Variants in ROBO1 observed in about 807,000 individuals in gnomAD.
The protein encoded by ROBO1 is roundabout homolog 1.
Under a neutral mutation model 195.9 loss-of-function variants are expected in ROBO1, and 149 were observed. The observed-to-expected ratio is 0.76, with a 90% CI of 0.67 to 0.87. ROBO1 has a LOEUF of 0.87. Among genes scored for constraint, ROBO1 ranks in the 40% least tolerant of loss-of-function variants. The probability of loss-of-function intolerance (pLI) is 0.00; values close to 1 mark genes in which losing one functional copy is unlikely to be tolerated. For missense variants in ROBO1, 1,933 were observed against 2,068.3 expected (o/e 0.93, Z 1.27); for synonymous variants, 816 against 733.2 (o/e 1.11, Z -1.82).
At chr3:78,611,651 G>C (rs1261933117) in intron 28 of ROBO1, among the ~76,000 whole-genome samples, 1 of 152,200 alleles carries the variant, frequency 6.6e-6, no homozygotes, top group East Asian at 1.9e-4. Flanking sequence ...AGGGGCTGGT[G>C]CACTGTTATG....
chr3:78,714,543 A>C lies in ROBO1; in HGVS notation c.918-19T>G. On this transcript the variant is annotated intron_variant, in intron 7 of 30. Transcript: ENST00000464233. Reference sequence around the variant, plus strand: ...TTCATATCTAATGACATAACAAAAGAAAGCACAGTTAAGTGACTTTCTACT... The same window carrying C: ...TTCATATCTAATGACATAACAAAAGCAAGCACAGTTAAGTGACTTTCTACT... 2 of 1,604,264 alleles carry C rather than the reference A, an allele frequency of 1.2e-6. No homozygotes were observed. Among genetic ancestry groups the C allele is most frequent in the Non-Finnish European group, 1.7e-6 (2 of 1,175,684 alleles).
chr3:79,400,858 C>G (rs1043240371), intron 2 of ROBO1, among the ~76,000 whole-genome samples: 1 of 151,704 alleles, frequency 6.6e-6, no homozygotes, highest in Non-Finnish European at 1.5e-5. Context: ...CTAAGATACC[C>G]TCTTATATTT....
chr3:78,848,356 T>C (rs553167217), intron 4 of ROBO1, among the ~76,000 whole-genome samples: 1 of 152,282 alleles, frequency 6.6e-6, no homozygotes, highest in East Asian at 1.9e-4. Context: ...TTTCATTCAG[T>C]CAATCATTCA....
At chr3:78,789,925 C>T (rs1197049822) in intron 4 of ROBO1, among the ~76,000 whole-genome samples, 1 of 152,200 alleles carries the variant, frequency 6.6e-6, no homozygotes, top group African/African-American at 2.4e-5. Flanking sequence ...CGCATGACCT[C>T]CCAAATTGGA....
intron 1 of ROBO1, among the ~76,000 whole-genome samples, chr3:79,594,372 T>C (rs1041302615): frequency 6.6e-6 from 1 of 152,038 alleles, no homozygotes; most frequent in Non-Finnish European, 1.5e-5. Context: ...AAAGTGCCTA[T>C]TTTTAAAATA....
intron 4 of ROBO1, among the ~76,000 whole-genome samples, chr3:78,824,970 T>A (rs1459092988): frequency 1.3e-5 from 2 of 152,182 alleles, no homozygotes; most frequent in Non-Finnish European, 2.9e-5. Flanking sequence ...TCCTTTCACC[T>A]AAATTCTGTT....
At chr3:79,604,371 T>C (rs1944423138) in intron 1 of ROBO1, among the ~76,000 whole-genome samples, 2 of 152,186 alleles carry the variant, frequency 1.3e-5, no homozygotes, top group African/African-American at 4.8e-5. Context: ...GCATTTGAAA[T>C]GTTTTTGAAC....
chr3:78,834,163 G>A (rs1464031314), intron 4 of ROBO1, among the ~76,000 whole-genome samples: 3 of 151,940 alleles, frequency 2.0e-5, no homozygotes, highest in African/African-American at 4.8e-5. Context: ...GGTGTTGACC[G>A]AAACAAGATT....
At chr3:78,856,405 A>AAT (rs2034439486) in intron 4 of ROBO1, among the ~76,000 whole-genome samples, 1 of 152,050 alleles carries the variant, frequency 6.6e-6, no homozygotes, top group South Asian at 2.1e-4. Context: ...TCTGAAGCCA[A>AAT]ATAACTTTCC....
intron 2 of ROBO1, among the ~76,000 whole-genome samples, chr3:79,492,334 A>C (rs1466178445): frequency 1.3e-5 from 2 of 148,526 alleles, no homozygotes; most frequent in Non-Finnish European, 3.0e-5. Flanking sequence ...CTGAGGCAGG[A>C]GAATCGCTTG....
At chr3:79,255,559 C>T (rs1005996164) in intron 2 of ROBO1, among the ~76,000 whole-genome samples, 1 of 151,938 alleles carries the variant, frequency 6.6e-6, no homozygotes, top group Non-Finnish European at 1.5e-5. Flanking sequence ...AAAGTAGTAC[C>T]GATATAAGCA....
intron 2 of ROBO1, among the ~76,000 whole-genome samples, chr3:79,479,443 C>T (rs1292605658): frequency 1.3e-5 from 2 of 152,156 alleles, no homozygotes; most frequent in Non-Finnish European, 2.9e-5. Flanking sequence ...CTTGCCCACT[C>T]ACTGCTCACC....
chr3:79,692,598 T>C (rs1160955371), intron 1 of ROBO1, among the ~76,000 whole-genome samples: 1 of 151,748 alleles, frequency 6.6e-6, no homozygotes, highest in Non-Finnish European at 1.5e-5. Flanking sequence ...ATCTCACGGA[T>C]AGTGGGTTCT....
At chr3:79,631,102 C>A (rs1945327405) in intron 1 of ROBO1, among the ~76,000 whole-genome samples, 1 of 151,722 alleles carries the variant, frequency 6.6e-6, no homozygotes, top group African/African-American at 2.4e-5. Flanking sequence ...CAATGAAAAT[C>A]TTATCAAATT....
intron 4 of ROBO1, among the ~76,000 whole-genome samples, chr3:78,867,289 T>C (rs1241070057): frequency 6.6e-6 from 1 of 152,182 alleles, no homozygotes; most frequent in African/African-American, 2.4e-5. Flanking sequence ...ACCTTAGAAG[T>C]ATTTGTTGAC....
At chr3:79,457,174 T>C (rs780228196) in intron 2 of ROBO1, among the ~76,000 whole-genome samples, 1 of 152,054 alleles carries the variant, frequency 6.6e-6, no homozygotes, top group Admixed American at 6.6e-5. Context: ...TCACAGAAAA[T>C]TAAAATTTGA....
intron 2 of ROBO1, among the ~76,000 whole-genome samples, chr3:79,186,508 A>G (rs2081441693): frequency 6.6e-6 from 1 of 152,032 alleles, no homozygotes; most frequent in South Asian, 2.1e-4. Context: ...CATTTAGGTG[A>G]CACGTTTCTC....
chr3:79,250,837 T>A (rs1363607415), intron 2 of ROBO1, among the ~76,000 whole-genome samples: 1 of 152,012 alleles, frequency 6.6e-6, no homozygotes, highest in African/African-American at 2.4e-5. Flanking sequence ...GGTGGATCAC[T>A]TGAGGACAGT....
At chr3:79,063,699 C>T (rs1287377989) in intron 3 of ROBO1, among the ~76,000 whole-genome samples, 1 of 151,668 alleles carries the variant, frequency 6.6e-6, no homozygotes, top group Non-Finnish European at 1.5e-5. Context: ...TGCCGCAGCT[C>T]CAGAGAGTTG....
Sources: allele counts gnomAD v4.1 joint callset (sites outside exome capture counted in the v4.1 genomes callset), GRCh38; gene constraint gnomAD v4.1.1; transcripts MANE v1.5; gene names NCBI Gene and HGNC (gene_info 2026-07-23, HGNC 2026-07-21).